The following RFX4 variants were observed in gnomAD, a reference collection of about 807,000 sequenced individuals.
RFX4 encodes the protein regulatory factor X4, also known as transcription factor RFX4.
RFX4 carries 10 observed loss-of-function variants against 95.0 expected under a neutral mutation model. That is an observed-to-expected ratio of 0.11 (90% CI 0.06 to 0.18). The LOEUF (loss-of-function observed/expected upper bound fraction) is 0.18. Ranked by LOEUF, RFX4 falls within the 10% of genes least tolerant of loss-of-function variation. RFX4 has a pLI of 1.00. For missense variants in RFX4, 640 were observed against 922.0 expected, an observed-to-expected ratio of 0.69 and a Z score of 3.96; for synonymous variants, 321 against 340.7, an observed-to-expected ratio of 0.94 and a Z score of 0.64.
chr12:106,715,655 T>G (rs2042273772), intron 11 of RFX4, 111 bp downstream of exon 11: 1 of 1,242,854 alleles, frequency 8.0e-7, no homozygotes, highest in African/African-American at 1.5e-5. Context: ...CAGCATCTCT[T>G]CCTCCTTATT....
chr12:106,720,487 A>T lies in RFX4; in HGVS notation c.1234-272A>T, dbSNP rs531814984. Among the ~76,000 whole-genome samples the T allele has an allele frequency of 1.3e-5, 2 of 152,068 alleles. No homozygotes were observed. Among genetic ancestry groups the T allele is most frequent in the Admixed American group, 6.5e-5 (1 of 15,280 alleles). ...GCCTTGACCTCCCCAGGCTCATGTG[A>T]TCCTCCCACCTCAGCCTCCTGAGTA... On this transcript the variant is annotated intron_variant, in intron 12 of 17. Transcript: ENST00000392842. This position sits in a 1 kb window ranked among gnomAD's most constrained non-coding sequence, Gnocchi z 4.2.
intron 2 of RFX4, among the ~76,000 whole-genome samples, chr12:106,629,293 C>G (rs2137256261): frequency 6.6e-6 from 1 of 152,230 alleles, no homozygotes; most frequent in East Asian, 1.9e-4. Flanking sequence ...CAAACTTTTG[C>G]TGCTACAGAC....
At chr12:106,665,346 C>T (rs1035481088) in intron 4 of RFX4, among the ~76,000 whole-genome samples, 4 of 151,860 alleles carry the variant, frequency 2.6e-5, no homozygotes, top group Non-Finnish European at 5.9e-5. Context: ...ATATTTTTCT[C>T]CATCCATTTA....
At chr12:106,670,878 T>TCAGA (rs1186368036) in intron 4 of RFX4, among the ~76,000 whole-genome samples, 2 of 152,232 alleles carry the variant, frequency 1.3e-5, no homozygotes, top group Non-Finnish European at 1.5e-5. Context: ...TATCCTGCTT[T>TCAGA]CAGAGTTAAA....
intron 17 of RFX4, among the ~76,000 whole-genome samples, chr12:106,751,058 G>C (rs1028486897): frequency 1.3e-5 from 2 of 149,952 alleles, no homozygotes; most frequent in African/African-American, 4.9e-5. Flanking sequence ...CTAGCATTAG[G>C]TATATCTCCC....
intron 11 of RFX4, 31 bp downstream of exon 11, chr12:106,715,575 G>A (rs779145879): frequency 6.2e-7 from 1 of 1,603,702 alleles, no homozygotes; most frequent in South Asian, 1.1e-5. Context: ...TTGTTGTCCT[G>A]TTTTTATTTT....
chr12:106,731,816 G>A (rs1287656968), intron 13 of RFX4, among the ~76,000 whole-genome samples: 1 of 152,234 alleles, frequency 6.6e-6, no homozygotes, highest in African/African-American at 2.4e-5. Flanking sequence ...GATGAGGCCA[G>A]TGGGTAAGCA....
intron 4 of RFX4, among the ~76,000 whole-genome samples, chr12:106,668,653 T>C (rs1212853623): frequency 6.6e-6 from 1 of 152,212 alleles, no homozygotes; most frequent in Admixed American, 6.5e-5. Context: ...AATTAGGGTT[T>C]AGTGGGGAAG....
intron 13 of RFX4, among the ~76,000 whole-genome samples, chr12:106,727,427 G>A (rs957964618): frequency 6.6e-6 from 1 of 152,100 alleles, no homozygotes; most frequent in Non-Finnish European, 1.5e-5. Context: ...TGAAAAGACA[G>A]GAATGCCTTC....
intron 2 of RFX4, among the ~76,000 whole-genome samples, chr12:106,612,541 A>G (rs570890648): frequency 6.6e-6 from 1 of 152,322 alleles, no homozygotes; most frequent in African/African-American, 2.4e-5. Context: ...GGTTTTCTAC[A>G]TATAAGATCA....
chr12:106,631,876 G>T (rs1448719317), intron 2 of RFX4, among the ~76,000 whole-genome samples: 1 of 152,226 alleles, frequency 6.6e-6, no homozygotes, highest in Admixed American at 6.5e-5. Flanking sequence ...TGTCCCTGCT[G>T]CAGGGCTTGC....
intron 5 of RFX4, among the ~76,000 whole-genome samples, chr12:106,686,527 G>C (rs2041653820): frequency 6.6e-6 from 1 of 152,148 alleles, no homozygotes; most frequent in South Asian, 2.1e-4. Context: ...TCCCCACAGA[G>C]AAGGGACCCT....
chr12:106,681,635 G>A (rs1449639858), intron 4 of RFX4, among the ~76,000 whole-genome samples: 4 of 152,208 alleles, frequency 2.6e-5, no homozygotes, highest in Non-Finnish European at 4.4e-5. Flanking sequence ...TAAGCAGGAC[G>A]AGTTACAGAG....
intron 17 of RFX4, among the ~76,000 whole-genome samples, chr12:106,755,646 G>A (rs766274871): frequency 8.5e-5 from 13 of 152,286 alleles, no homozygotes; most frequent in Admixed American, 1.3e-4. Flanking sequence ...TATTTCTTAC[G>A]TTTATTGGTT....
intron 2 of RFX4, among the ~76,000 whole-genome samples, chr12:106,621,713 G>A (rs1334405922): frequency 6.6e-6 from 1 of 152,136 alleles, no homozygotes; most frequent in Non-Finnish European, 1.5e-5. Flanking sequence ...TTAGATATTA[G>A]CTACTCTGTC....
At chr12:106,591,679 G>A (rs1002282999) in intron 1 of RFX4, among the ~76,000 whole-genome samples, 3 of 152,120 alleles carry the variant, frequency 2.0e-5, no homozygotes, top group African/African-American at 7.2e-5. Flanking sequence ...CATCTTCTTT[G>A]GGATTCACTC....
At chr12:106,595,533 G>T (rs925695133) in intron 1 of RFX4, among the ~76,000 whole-genome samples, 3 of 152,198 alleles carry the variant, frequency 2.0e-5, no homozygotes, top group African/African-American at 7.2e-5. Flanking sequence ...CATGCAATGT[G>T]TGCCTTTCAT....
chr12:106,633,139 G>C (rs1480047158), intron 2 of RFX4, among the ~76,000 whole-genome samples: 1 of 152,194 alleles, frequency 6.6e-6, no homozygotes, highest in African/African-American at 2.4e-5. Context: ...AAAGGGCTTG[G>C]GCATTCAGAC....
At chr12:106,749,866 C>A (rs554498197) in intron 16 of RFX4, among the ~76,000 whole-genome samples, 40 of 152,272 alleles carry the variant, frequency 2.6e-4, no homozygotes, top group South Asian at 1.0e-3. Context: ...TGCTCTCCCC[C>A]CAGGAGACAG....
Sources: allele counts gnomAD v4.1 joint callset (sites outside exome capture counted in the v4.1 genomes callset), GRCh38; gene constraint gnomAD v4.1.1; non-coding constraint Gnocchi (gnomAD v3.1); transcripts MANE v1.5; gene names NCBI Gene and HGNC (gene_info 2026-07-23, HGNC 2026-07-21).